MFAP3L: variants seen among roughly 807,000 people sequenced by gnomAD.
The protein encoded by MFAP3L is microfibrillar-associated protein 3-like.
Under a neutral mutation model 20.0 loss-of-function variants are expected in MFAP3L, and 5 were observed. That is an observed-to-expected ratio of 0.25 (90% CI 0.13 to 0.53). MFAP3L has a LOEUF of 0.53. Ranked by LOEUF, MFAP3L falls within the 20% of genes least tolerant of loss-of-function variation. MFAP3L has a pLI of 0.96. For missense variants in MFAP3L, 409 were observed against 527.5 expected (o/e 0.78, Z 2.20); for synonymous variants, 219 against 213.0 (o/e 1.03, Z -0.25).
intron 2 of MFAP3L, among the ~76,000 whole-genome samples, chr4:170,002,549 C>T (rs532189208): frequency 1.3e-5 from 2 of 151,824 alleles, no homozygotes; most frequent in Non-Finnish European, 2.9e-5. Flanking sequence ...CTCGTTCTGT[C>T]ACCAGGCTCG....
intron 2 of MFAP3L, chr4:169,997,735 T>C: frequency 2.0e-6 from 2 of 984,730 alleles, no homozygotes; most frequent in Non-Finnish European, 2.4e-6. Context: ...ACGGCCCTTC[T>C]ATCACACACA....
In MFAP3L at chr4:169,989,076, G is replaced by T. The variant is rs1307225245; in HGVS notation, c.*2302C>A. The T allele has an allele frequency of 6.6e-6, 1 of 151,938 alleles. No homozygotes were observed. Among genetic ancestry groups the T allele is most frequent in the East Asian group, 1.9e-4 (1 of 5,176 alleles). 9.4% of individuals were successfully genotyped at this position (151,938 alleles called of 1,614,324 possible). On this transcript the variant is annotated 3_prime_UTR_variant, in exon 3 of 3. Transcript: ENST00000361618. ...ACTTAAGTCCTCTGTTGTTGCTTTG[G>T]GCATATAAACCCATGGTAATGAATC...
At chr4:170,014,075 C>T (rs566808100) in intron 1 of MFAP3L, among the ~76,000 whole-genome samples, 1 of 152,268 alleles carries the variant, frequency 6.6e-6, no homozygotes, top group East Asian at 1.9e-4. Context: ...TCTTTGACAC[C>T]GTCCTTATTA....
intron 2 of MFAP3L, among the ~76,000 whole-genome samples, chr4:169,995,571 C>T (rs1581455966): frequency 6.6e-6 from 1 of 152,208 alleles, no homozygotes. Context: ...ACAGGAACAT[C>T]TCGAAAACGT....
chr4:170,024,780 C>T (rs968944739), intron 1 of MFAP3L, among the ~76,000 whole-genome samples: 2 of 152,170 alleles, frequency 1.3e-5, no homozygotes, highest in African/African-American at 2.4e-5. Context: ...CAACTCTATA[C>T]TGGGGGAAAT....
At chr4:170,005,462 A>G in intron 2 of MFAP3L, 118 bp downstream of exon 2, 1 of 1,192,564 alleles carries the variant, frequency 8.4e-7, no homozygotes, top group Non-Finnish European at 1.2e-6. Flanking sequence ...GCCTTAGAAA[A>G]ACAAGACAAG....
At chr4:170,020,008 C>A (rs542000438) in intron 1 of MFAP3L, among the ~76,000 whole-genome samples, 1 of 152,326 alleles carries the variant, frequency 6.6e-6, no homozygotes, top group African/African-American at 2.4e-5. Context: ...TTTTATGTAT[C>A]TCTTACAAAG....
intron 1 of MFAP3L, among the ~76,000 whole-genome samples, 171 bp downstream of exon 1, chr4:170,026,063 G>C (rs1730372822): frequency 6.6e-6 from 1 of 152,052 alleles, no homozygotes; most frequent in Non-Finnish European, 1.5e-5. Flanking sequence ...ACCCCCTGGA[G>C]CCCGCTGCCC....
intron 1 of MFAP3L, among the ~76,000 whole-genome samples, chr4:170,011,141 A>G (rs1322694416): frequency 6.6e-6 from 1 of 152,122 alleles, no homozygotes; most frequent in Non-Finnish European, 1.5e-5. Context: ...TTCCACCATG[A>G]TTCTGAGGCC....
chr4:169,998,664 A>G (rs1425618082), intron 2 of MFAP3L, among the ~76,000 whole-genome samples: 1 of 152,204 alleles, frequency 6.6e-6, no homozygotes, highest in Non-Finnish European at 1.5e-5. Flanking sequence ...GCGTGTGTGT[A>G]AACAGTGATG....
At chr4:169,995,605 C>T (rs944134373) in intron 2 of MFAP3L, among the ~76,000 whole-genome samples, 4 of 152,152 alleles carry the variant, frequency 2.6e-5, no homozygotes, top group Non-Finnish European at 4.4e-5. Context: ...CATTACCATT[C>T]GCATCGGTCT....
chr4:170,012,873 A>C (rs189250151), intron 1 of MFAP3L, among the ~76,000 whole-genome samples: 1 of 152,250 alleles, frequency 6.6e-6, no homozygotes, highest in Non-Finnish European at 1.5e-5. Context: ...GAGCTGTTTA[A>C]GCCCATGGAA....
chr4:170,023,926 T>G (rs138762275), intron 1 of MFAP3L, among the ~76,000 whole-genome samples: 2 of 152,216 alleles, frequency 1.3e-5, no homozygotes, highest in African/African-American at 2.4e-5. Context: ...GATTGGGGGA[T>G]AGATCTATTT....
At position 169,987,212 on chromosome 4, in the gene MFAP3L, G is replaced by A. The variant is rs987710990; in HGVS notation, c.*4166C>T. ...TGATCAATGAAGAAACCCTAAAAAT[G>A]TCATTAGGAAAATAAACTGTGCTAT... On this transcript the variant is annotated 3_prime_UTR_variant, in exon 3 of 3. Transcript: ENST00000361618. The A allele has an allele frequency of 9.9e-5, 15 of 152,110 alleles. No homozygotes were observed. Among genetic ancestry groups the A allele is most frequent in the African/African-American group, 3.6e-4 (15 of 41,430 alleles). 9.4% of individuals were successfully genotyped at this position (152,110 alleles called of 1,614,324 possible).
chr4:170,025,981 G>C (rs1174684850), intron 1 of MFAP3L, among the ~76,000 whole-genome samples: 1 of 152,034 alleles, frequency 6.6e-6, no homozygotes, highest in East Asian at 1.9e-4. Flanking sequence ...GGAAGGTTAC[G>C]GTTCGAGCCC....
At chr4:170,009,587 T>C (rs1304332668) in intron 1 of MFAP3L, among the ~76,000 whole-genome samples, 3 of 152,150 alleles carry the variant, frequency 2.0e-5, no homozygotes, top group Non-Finnish European at 1.5e-5. Flanking sequence ...AAACCAGGGC[T>C]TAACAAAAGC....
intron 1 of MFAP3L, among the ~76,000 whole-genome samples, chr4:170,025,257 T>C (rs1444840337): frequency 2.0e-5 from 3 of 152,210 alleles, no homozygotes; most frequent in Non-Finnish European, 2.9e-5. Flanking sequence ...GATTTTACTA[T>C]GTTCAGCATA....
Position 170,026,379 on chromosome 4 carries a change from G to C in MFAP3L, c.-279C>G, listed in dbSNP as rs553203981. On this transcript the variant is annotated 5_prime_UTR_variant, in exon 1 of 3. Coordinates refer to ENST00000361618, the MANE Select transcript of MFAP3L (RefSeq NM_021647.8). Reference sequence around the variant, plus strand: ...CTCCGCCGGCGCCTCACAGCGTTGCGAGCTGCGCCGCCGGCTGCCGGGAGC... The same window carrying C: ...CTCCGCCGGCGCCTCACAGCGTTGCCAGCTGCGCCGCCGGCTGCCGGGAGC... The C allele has an allele frequency of 1.3e-6, 1 of 763,264 alleles. No homozygotes were observed. The highest frequency in any genetic ancestry group is 1.6e-6 in the Non-Finnish European group (1 of 628,202). The allele number at this position is 763,264 out of a possible 1,614,324, so 47.3% of individuals were successfully genotyped here.
chr4:169,997,935 T>C lies in MFAP3L; in HGVS notation c.299-5626A>G, dbSNP rs565734736. On this transcript the variant is annotated intron_variant, in intron 2 of 2. Coordinates refer to ENST00000361618, the MANE Select transcript of MFAP3L (RefSeq NM_021647.8). ...AACTTAAAATGAAGGTAGCCTATGA[T>C]CCACTCTTAGACTTCTTGAAATTCT... Among the ~76,000 whole-genome samples the C allele has an allele frequency of 3.3e-5, 5 of 152,054 alleles. No individual in the cohort carries two copies. The South Asian group carries it at 1.0e-3, about 32-fold the overall frequency.
Sources: gnomAD v4.1 joint callset for allele counts (sites outside exome capture counted in the v4.1 genomes callset) on GRCh38, gnomAD v4.1.1 for gene constraint, MANE v1.5 for transcripts, NCBI Gene and HGNC (gene_info 2026-07-23, HGNC 2026-07-21) for gene names.